STAMBPL1: variants seen among roughly 807,000 people sequenced by gnomAD.
STAMBPL1 encodes STAM binding protein like 1.
A neutral mutation model predicts 52.9 loss-of-function variants in STAMBPL1; 44 were observed. The observed-to-expected ratio is 0.83, with a 90% confidence interval of 0.65 to 1.07. The LOEUF is 1.07. Ranked by LOEUF, STAMBPL1 falls within the 50% of genes least tolerant of loss-of-function variation. The pLI, the probability that STAMBPL1 is intolerant of heterozygous loss-of-function variation, is 0.00. For synonymous variants in STAMBPL1, 164 were observed against 177.3 expected (o/e 0.92, Z 0.60); for missense variants, 511 against 520.8 (o/e 0.98, Z 0.18).
chr10:88,922,347 T>C lies in STAMBPL1; in HGVS notation c.1165T>C (p.Phe389Leu), dbSNP rs758677890. Reference sequence around the variant, plus strand: ...TGCTCTGAAATTTAGCACTGGCATCTTCAGGCTCACCAATGCTGGCATGCT... The same window carrying C: ...TGCTCTGAAATTTAGCACTGGCATCCTCAGGCTCACCAATGCTGGCATGCT... The part of the protein sequence containing the change: ...CSPKHKDTGI[F>L]RLTNAGMLEV... Residue 389 changes from phenylalanine to leucine, a missense_variant, in exon 10 of 11, where the codon TTC (phenylalanine) becomes CTC (leucine). Phe to Leu is a conservative substitution (Grantham distance 22, BLOSUM62 0). This residue lies in a region of STAMBPL1 where 137 missense variants were observed against 139.9 expected (regional missense o/e 0.98). Transcript: ENST00000371926. The C allele has an allele frequency of 1.2e-5, 20 of 1,613,442 alleles. No homozygotes were observed. The East Asian group carries it at 4.0e-4, about 32-fold the overall frequency.
Position 88,918,962 on chromosome 10 carries a change from G to A in STAMBPL1, c.1041+2145G>A, listed in dbSNP as rs142677437. 1.1e-3 allele frequency among the ~76,000 whole-genome samples: 174 copies of A among 152,136 alleles called. 1 individual carries two copies. The East Asian group carries it at 0.017, about 15-fold the overall frequency. On this transcript the variant is annotated intron_variant, in intron 8 of 10. Transcript: ENST00000371926. ...GACTTTTTGTTAAACTCATTTCACC[G>A]TATCAAATTATTGTGGTTGGATGAA...
chr10:88,894,748 T>C (rs1844770660), intron 1 of STAMBPL1, among the ~76,000 whole-genome samples: 1 of 152,228 alleles, frequency 6.6e-6, no homozygotes, highest in Non-Finnish European at 1.5e-5. Flanking sequence ...GAAGCATTGT[T>C]AATGTTGAAT....
At chr10:88,910,343 G>T (rs559851745) in intron 4 of STAMBPL1, among the ~76,000 whole-genome samples, 1 of 152,194 alleles carries the variant, frequency 6.6e-6, no homozygotes, top group African/African-American at 2.4e-5. Flanking sequence ...AGAATTCCCA[G>T]ATTTTCCTGC....
intron 10 of STAMBPL1, 80 bp downstream of exon 10, chr10:88,922,516 A>C: frequency 7.6e-7 from 1 of 1,311,564 alleles, no homozygotes; most frequent in Non-Finnish European, 1.1e-6. Flanking sequence ...AAATAGTAGC[A>C]GTCTAATATA....
At chr10:88,891,742 A>T (rs1008843882) in intron 1 of STAMBPL1, among the ~76,000 whole-genome samples, 2 of 152,134 alleles carry the variant, frequency 1.3e-5, no homozygotes, top group Non-Finnish European at 2.9e-5. Context: ...TCTTTATTAG[A>T]TAATTGTGTA....
At chr10:88,881,769 T>C (rs935772413) in intron 1 of STAMBPL1, among the ~76,000 whole-genome samples, 2 of 152,232 alleles carry the variant, frequency 1.3e-5, no homozygotes, top group Non-Finnish European at 2.9e-5. Flanking sequence ...CTTGTTTCCA[T>C]TGGAAATTTT....
chr10:88,895,878 C>G (rs1168473262), intron 1 of STAMBPL1, among the ~76,000 whole-genome samples: 5 of 152,196 alleles, frequency 3.3e-5, no homozygotes, highest in Admixed American at 3.3e-4. Context: ...ATGTGACTTT[C>G]TTGCACTCAC....
intron 1 of STAMBPL1, among the ~76,000 whole-genome samples, chr10:88,881,423 G>A (rs949750303): frequency 1.3e-5 from 2 of 152,030 alleles, no homozygotes; most frequent in African/African-American, 4.8e-5. Flanking sequence ...GGGTGGGGTG[G>A]CTTGCTTCCT....
In STAMBPL1 at chr10:88,914,493, T is replaced by C. The variant is rs114521067; in HGVS notation, c.779-41T>C. ...TAACAATTTTGAAAGATGGGACATA[T>C]AGTTTGTTTTTTAGCCTTTTCTCCC... On this transcript the variant is annotated intron_variant, in intron 6 of 10. Transcript: ENST00000371926. 1,113 of 1,421,404 alleles carry C rather than the reference T, an allele frequency of 7.8e-4. 9 individuals carry two copies. The African/African-American group carries it at 0.014, about 18-fold the overall frequency. 88.0% of individuals were successfully genotyped at this position (1,421,404 alleles called of 1,614,324 possible).
intron 1 of STAMBPL1, among the ~76,000 whole-genome samples, chr10:88,896,845 CACAT>C (rs1844822529): frequency 6.6e-6 from 1 of 150,754 alleles, no homozygotes; most frequent in Non-Finnish European, 1.5e-5. Context: ...CACAAACACA[CACAT>C]ACATGCACGC....
intron 1 of STAMBPL1, among the ~76,000 whole-genome samples, chr10:88,886,070 C>T (rs1176569178): frequency 6.6e-6 from 1 of 152,066 alleles, no homozygotes; most frequent in Non-Finnish European, 1.5e-5. Flanking sequence ...TTACACAAAA[C>T]AAAAACAAAA....
At chr10:88,881,919 T>C (rs1285756206) in intron 1 of STAMBPL1, among the ~76,000 whole-genome samples, 1 of 152,226 alleles carries the variant, frequency 6.6e-6, no homozygotes, top group Non-Finnish European at 1.5e-5. Flanking sequence ...GCTCTTTTTG[T>C]TTACCATTTG....
intron 10 of STAMBPL1, among the ~76,000 whole-genome samples, chr10:88,922,740 A>G (rs1396786023): frequency 6.6e-6 from 1 of 152,202 alleles, no homozygotes; most frequent in East Asian, 1.9e-4. Flanking sequence ...GTAAACAATT[A>G]TCATAGAAAA....
At chr10:88,890,298 G>A (rs564706898) in intron 1 of STAMBPL1, among the ~76,000 whole-genome samples, 2 of 152,308 alleles carry the variant, frequency 1.3e-5, no homozygotes, top group African/African-American at 4.8e-5. Flanking sequence ...TTTAAGCAAA[G>A]GAATGGCAAT....
At chr10:88,887,035 T>C (rs1055210015) in intron 1 of STAMBPL1, among the ~76,000 whole-genome samples, 5 of 152,176 alleles carry the variant, frequency 3.3e-5, no homozygotes, top group African/African-American at 1.2e-4. Context: ...TGGCTTTTTT[T>C]CCCCAATCTG....
intron 1 of STAMBPL1, among the ~76,000 whole-genome samples, chr10:88,887,403 A>G (rs557784939): frequency 2.0e-5 from 3 of 152,342 alleles, no homozygotes; most frequent in African/African-American, 7.2e-5. Flanking sequence ...TTCGTCAAGT[A>G]TAATATTACT....
chr10:88,914,494 A>C (rs11202889), intron 6 of STAMBPL1, 40 bp from the exon 7 acceptor site: 138,890 of 1,424,660 alleles, frequency 0.097, 9,749 homozygotes, highest in South Asian at 0.34. Flanking sequence ...TGGGACATAT[A>C]GTTTGTTTTT....
At chr10:88,881,713 T>C (rs1384582094) in intron 1 of STAMBPL1, among the ~76,000 whole-genome samples, 2 of 152,218 alleles carry the variant, frequency 1.3e-5, no homozygotes, top group East Asian at 1.9e-4. Flanking sequence ...TTTTGACGGT[T>C]GTTTTACACA....
Position 88,922,434 on chromosome 10 carries a change from A to G in STAMBPL1, c.1252A>G (p.Ser418Gly). Residue 418 changes from serine to glycine, a missense_variant and splice_region_variant, in exon 10 of 11, where the codon AGT becomes GGT. This residue lies in a region of STAMBPL1 where 137 missense variants were observed against 139.9 expected (regional missense o/e 0.98). Coordinates refer to ENST00000371926, the MANE Select transcript of STAMBPL1 (RefSeq NM_020799.4). Reference protein sequence around the residue: ...HPHTKEPRLFSICKHVLVKDI... With the variant: ...HPHTKEPRLFGICKHVLVKDI... The stretch of plus-strand genomic sequence containing the variant: ...ACACACCAAGGAGCCCAGGCTGTTC[A>G]GTGTGAGTACATCATATTAGTTATT... 6.2e-7 allele frequency: 1 copy of G among 1,613,242 alleles called. No homozygotes were observed.
Sources: allele counts gnomAD v4.1 joint callset (sites outside exome capture counted in the v4.1 genomes callset), GRCh38; gene constraint gnomAD v4.1.1; regional missense constraint gnomAD v4.1.1; transcripts MANE v1.5; gene names NCBI Gene and HGNC (gene_info 2026-07-23, HGNC 2026-07-21).